Variants in ITGA9 observed in about 807,000 individuals in gnomAD.
ITGA9 encodes integrin alpha-9.
A neutral mutation model predicts 127.8 loss-of-function variants in ITGA9; 56 were observed. The ratio of observed to expected loss-of-function variants is 0.44; its 90% confidence interval spans 0.35 to 0.55. The LOEUF is 0.55. ITGA9 is among the 20% of genes least tolerant of loss of function. The pLI is 0.00. For missense variants in ITGA9, 1,196 were observed against 1,347.1 expected, an observed-to-expected ratio of 0.89 and a Z score of 1.76; for synonymous variants, 508 against 514.5, an observed-to-expected ratio of 0.99 and a Z score of 0.17.
intron 4 of ITGA9, among the ~76,000 whole-genome samples, chr3:37,491,450 C>T (rs1421470725): frequency 6.6e-6 from 1 of 152,208 alleles, no homozygotes. Flanking sequence ...ATTTGGAGAC[C>T]AAGTAGACAT....
chr3:37,635,296 A>C (rs1287957519), intron 16 of ITGA9, among the ~76,000 whole-genome samples: 1 of 152,228 alleles, frequency 6.6e-6, no homozygotes, highest in African/African-American at 2.4e-5. Context: ...ATTTATAATT[A>C]AGCCAAAATC....
At chr3:37,473,136 CAAAAAA>C (rs36109791) in intron 2 of ITGA9, among the ~76,000 whole-genome samples, 3 of 70,778 alleles carry the variant, frequency 4.2e-5, no homozygotes, top group African/African-American at 6.0e-5. Context: ...GAGACTGTCT[CAAAAAA>C]AAAAAAAAAA....
At chr3:37,668,109 A>G (rs1318504666) in intron 17 of ITGA9, among the ~76,000 whole-genome samples, 1 of 152,142 alleles carries the variant, frequency 6.6e-6, no homozygotes, top group African/African-American at 2.4e-5. Context: ...CTCTCCCTAC[A>G]GATACCATAT....
At chr3:37,625,203 G>A (rs931715293) in intron 15 of ITGA9, among the ~76,000 whole-genome samples, 1 of 152,130 alleles carries the variant, frequency 6.6e-6, no homozygotes, top group African/African-American at 2.4e-5. Context: ...AAGCCTGCCA[G>A]CCCTCAGTCT....
chr3:37,704,034 C>T (rs1238414981), intron 18 of ITGA9, among the ~76,000 whole-genome samples: 1 of 152,164 alleles, frequency 6.6e-6, no homozygotes, highest in Non-Finnish European at 1.5e-5. Flanking sequence ...TGCTCTAATG[C>T]ATCTTCTTTG....
chr3:37,546,911 T>C (rs1028050009), intron 15 of ITGA9, among the ~76,000 whole-genome samples: 2 of 152,232 alleles, frequency 1.3e-5, no homozygotes, highest in Non-Finnish European at 2.9e-5. Context: ...CATCCTCTAA[T>C]CCTGTACAAT....
chr3:37,586,603 G>A (rs1699761480), intron 15 of ITGA9, among the ~76,000 whole-genome samples: 1 of 152,244 alleles, frequency 6.6e-6, no homozygotes, highest in South Asian at 2.1e-4. Context: ...TGGCTTTGCG[G>A]CCTTCAGTAT....
At chr3:37,595,130 G>A (rs1433142160) in intron 15 of ITGA9, among the ~76,000 whole-genome samples, 2 of 151,884 alleles carry the variant, frequency 1.3e-5, no homozygotes, top group Non-Finnish European at 2.9e-5. Flanking sequence ...TTTGAGACAG[G>A]ATCTCACTCT....
At chr3:37,521,113 G>A (rs1699040026) in intron 11 of ITGA9, among the ~76,000 whole-genome samples, 1 of 152,086 alleles carries the variant, frequency 6.6e-6, no homozygotes, top group South Asian at 2.1e-4. Context: ...AGTGGTTTTG[G>A]GCTCTTAAGG....
rs72857206 is a variant in ITGA9, at chr3:37,585,035, C to G, written c.1689+42450C>G. ...GTGGCCAGCCATAGTGACCATGGCT[C>G]TCTACGGAAGGCCATAGCTTCTGCC... On this transcript the variant is annotated intron_variant, in intron 15 of 27. Transcript: ENST00000264741. Among the ~76,000 whole-genome samples the G allele has an allele frequency of 3.3e-3, 498 of 152,206 alleles. 1 individual carries two copies. Among genetic ancestry groups the G allele is most frequent in the African/African-American group, 0.011 (469 of 41,526 alleles).
chr3:37,536,384 C>T (rs548668663), intron 14 of ITGA9, among the ~76,000 whole-genome samples: 46 of 152,336 alleles, frequency 3.0e-4, no homozygotes, highest in African/African-American at 7.9e-4. Flanking sequence ...GTTAGCAGGA[C>T]GGCTGCATTT....
intron 17 of ITGA9, among the ~76,000 whole-genome samples, chr3:37,679,862 T>A (rs1016836204): frequency 2.6e-5 from 4 of 152,112 alleles, no homozygotes; most frequent in Non-Finnish European, 5.9e-5. Context: ...CTACCCCTGA[T>A]GTTTAGATTC....
intron 23 of ITGA9, among the ~76,000 whole-genome samples, chr3:37,759,074 T>C (rs921318836): frequency 7.7e-6 from 1 of 129,758 alleles, no homozygotes; most frequent in Non-Finnish European, 1.6e-5. Flanking sequence ...CATATATATA[T>C]ACCCACACAC....
At chr3:37,669,298 A>C (rs1453951920) in intron 17 of ITGA9, among the ~76,000 whole-genome samples, 1 of 152,214 alleles carries the variant, frequency 6.6e-6, no homozygotes, top group Non-Finnish European at 1.5e-5. Flanking sequence ...TTGTTAGCCA[A>C]TGGCTGGCTG....
chr3:37,779,530 T>C (rs1163888528), intron 24 of ITGA9, among the ~76,000 whole-genome samples: 1 of 152,164 alleles, frequency 6.6e-6, no homozygotes, highest in East Asian at 1.9e-4. Context: ...CAGGTGGAAG[T>C]CACATAATGT....
chr3:37,757,968 G>A (rs905039009), intron 23 of ITGA9, among the ~76,000 whole-genome samples: 4 of 151,726 alleles, frequency 2.6e-5, no homozygotes, highest in African/African-American at 7.3e-5. Flanking sequence ...GCACACTCAC[G>A]CAAAAATAGG....
intron 23 of ITGA9, among the ~76,000 whole-genome samples, chr3:37,765,192 A>G (rs1188412084): frequency 1.3e-5 from 2 of 152,052 alleles, no homozygotes; most frequent in Admixed American, 6.6e-5. Flanking sequence ...TGGCTCCAGG[A>G]CATCCCCCCA....
intron 14 of ITGA9, 66 bp downstream of exon 14, chr3:37,533,534 C>A: frequency 6.5e-7 from 1 of 1,537,534 alleles, no homozygotes; most frequent in East Asian, 2.3e-5. Flanking sequence ...GGGATATTTC[C>A]GATGTTCCCT....
rs542124494 is a variant in ITGA9 at position 37,750,289 on chromosome 3, T to G, written c.2434-173T>G. Among the ~76,000 whole-genome samples, 8 of 152,406 alleles carry G rather than the reference T, an allele frequency of 5.2e-5. No homozygotes were observed. The South Asian group carries it at 1.7e-3, about 32-fold the overall frequency. On this transcript the variant is annotated intron_variant, in intron 22 of 27. Coordinates refer to ENST00000264741, the MANE Select transcript of ITGA9 (RefSeq NM_002207.3). Reference sequence around the variant, plus strand: ...CATGTTAGAAGTGTTTCTATTTTGTTGAAATTTCCCGTCATTCAGTAGTTC... The same window carrying G: ...CATGTTAGAAGTGTTTCTATTTTGTGGAAATTTCCCGTCATTCAGTAGTTC...
Sources: allele counts gnomAD v4.1 joint callset (sites outside exome capture counted in the v4.1 genomes callset), GRCh38; gene constraint gnomAD v4.1.1; transcripts MANE v1.5; gene names NCBI Gene and HGNC (gene_info 2026-07-23, HGNC 2026-07-21).